TAS2R1: variants seen among roughly 807,000 people sequenced by gnomAD.
TAS2R1 encodes taste receptor type 2 member 1.
For synonymous variants in TAS2R1, 141 were observed against 134.2 expected, an observed-to-expected ratio of 1.05 and a Z score of -0.35; for missense variants, 370 against 353.4, an observed-to-expected ratio of 1.05 and a Z score of -0.38.
the TAS2R1 span, among the ~76,000 whole-genome samples, chr5:9,807,213 C>G: frequency 6.6e-6 from 1 of 152,104 alleles, no homozygotes; most frequent in East Asian, 1.9e-4. Context: ...TACCACCTCA[C>G]TGCTGCAAGA....
At chr5:9,897,786 G>T in the TAS2R1 span, among the ~76,000 whole-genome samples, 1 of 152,178 alleles carries the variant, frequency 6.6e-6, no homozygotes, top group Non-Finnish European at 1.5e-5. Context: ...AGTTCAAAAT[G>T]TACTAGGAAG....
the TAS2R1 span, among the ~76,000 whole-genome samples, chr5:9,858,204 G>T: frequency 6.6e-6 from 1 of 152,036 alleles, no homozygotes; most frequent in African/African-American, 2.4e-5. Context: ...CTGCCAGGCC[G>T]GACTGGAGCC....
At chr5:9,773,317 CCT>C in the TAS2R1 span, among the ~76,000 whole-genome samples, 2 of 151,612 alleles carry the variant, frequency 1.3e-5, no homozygotes, top group Non-Finnish European at 1.5e-5. Context: ...TTAACTTCAT[CCT>C]CTCTCTTTTT....
the TAS2R1 span, among the ~76,000 whole-genome samples, chr5:9,886,860 C>A: frequency 6.6e-6 from 1 of 151,950 alleles, no homozygotes; most frequent in Non-Finnish European, 1.5e-5. Flanking sequence ...GCACATGTAT[C>A]CCTGAACCTG....
intron 1 of TAS2R1, chr5:9,659,800 A>G (rs1213544724): frequency 1.3e-5 from 2 of 152,144 alleles, no homozygotes; most frequent in East Asian, 3.9e-4. Flanking sequence ...CATAATTTCT[A>G]ATCACCTACA....
the TAS2R1 span, among the ~76,000 whole-genome samples, chr5:9,814,640 A>C: frequency 6.6e-6 from 1 of 152,208 alleles, no homozygotes; most frequent in African/African-American, 2.4e-5. Flanking sequence ...GATACATCTG[A>C]ATCATTCAAC....
At chr5:9,672,011 G>A (rs1381083141) in intron 1 of TAS2R1, among the ~76,000 whole-genome samples, 2 of 152,076 alleles carry the variant, frequency 1.3e-5, no homozygotes, top group African/African-American at 4.8e-5. Flanking sequence ...AGTGATCTTT[G>A]ATGAAGTCAA....
chr5:9,796,720 G>GAAAAAAAAAAAAAAAAAAAAAAAAAA, the TAS2R1 span, among the ~76,000 whole-genome samples: 1 of 77,334 alleles, frequency 1.3e-5, no homozygotes, highest in African/African-American at 6.2e-5. Context: ...GCTATTTTCT[G>GAAAAAAAAAAAAAAAAAAAAAAAAAA]GAAAAAAAAA....
chr5:9,865,665 T>C, the TAS2R1 span, among the ~76,000 whole-genome samples: 3 of 152,260 alleles, frequency 2.0e-5, no homozygotes, highest in African/African-American at 7.2e-5. Flanking sequence ...GTTTTGCTAA[T>C]TAAAGTAAAA....
At chr5:9,893,138 G>C in the TAS2R1 span, among the ~76,000 whole-genome samples, 61 of 151,938 alleles carry the variant, frequency 4.0e-4, no homozygotes, top group Admixed American at 3.7e-3. Flanking sequence ...AGGGCTCAGG[G>C]AATCTTTGCA....
At chr5:9,763,792 T>C in the TAS2R1 span, among the ~76,000 whole-genome samples, 28 of 152,256 alleles carry the variant, frequency 1.8e-4, no homozygotes, top group East Asian at 2.7e-3. Context: ...GGCCTTAGAC[T>C]CTGCCAGGAA....
chr5:9,748,087 G>A, the TAS2R1 span, among the ~76,000 whole-genome samples: 1 of 152,112 alleles, frequency 6.6e-6, no homozygotes, highest in Admixed American at 6.5e-5. Flanking sequence ...CCTTCTGCTG[G>A]CTTTTTATTC....
the TAS2R1 span, among the ~76,000 whole-genome samples, chr5:9,728,621 T>G: frequency 5.3e-5 from 8 of 152,204 alleles, no homozygotes; most frequent in African/African-American, 1.7e-4. Flanking sequence ...ATGTAAATAG[T>G]TCATGGGGGA....
chr5:9,697,839 T>A (rs951399872), intron 1 of TAS2R1, among the ~76,000 whole-genome samples: 1 of 151,998 alleles, frequency 6.6e-6, no homozygotes, highest in Non-Finnish European at 1.5e-5. Flanking sequence ...AATAAAATAA[T>A]CATTGTTATT....
At chr5:9,751,800 C>G in the TAS2R1 span, among the ~76,000 whole-genome samples, 1 of 152,164 alleles carries the variant, frequency 6.6e-6, no homozygotes, top group Non-Finnish European at 1.5e-5. Context: ...ATTAGCAACT[C>G]TTAATGGACC....
chr5:9,749,699 C>T, the TAS2R1 span, among the ~76,000 whole-genome samples: 35 of 152,312 alleles, frequency 2.3e-4, no homozygotes, highest in Admixed American at 2.1e-3. Context: ...ATTCCTCTCC[C>T]ATAAAGCGAT....
the TAS2R1 span, among the ~76,000 whole-genome samples, chr5:9,861,983 A>T: frequency 6.6e-6 from 1 of 152,216 alleles, no homozygotes; most frequent in East Asian, 1.9e-4. Flanking sequence ...CAAATGGCAT[A>T]AAAATGCACA....
chr5:9,801,308 G>T, the TAS2R1 span, among the ~76,000 whole-genome samples: 2 of 152,242 alleles, frequency 1.3e-5, no homozygotes, highest in Admixed American at 6.5e-5. Context: ...AAGACCACCA[G>T]AACTGAGAGA....
the TAS2R1 span, among the ~76,000 whole-genome samples, chr5:9,768,687 T>G: frequency 6.6e-6 from 1 of 152,232 alleles, no homozygotes; most frequent in Non-Finnish European, 1.5e-5. Flanking sequence ...TTGTCATAAT[T>G]GCTTGGCAAA....
Sources: gnomAD v4.1 joint callset for allele counts (sites outside exome capture counted in the v4.1 genomes callset) on GRCh38, gnomAD v4.1.1 for gene constraint, MANE v1.5 for transcripts, NCBI Gene and HGNC (gene_info 2026-07-23, HGNC 2026-07-21) for gene names.